TTBK2: variants seen among roughly 807,000 people sequenced by gnomAD.
TTBK2 encodes the protein tau tubulin kinase 2, also known as tau-tubulin kinase 2.
In TTBK2, 28 loss-of-function variants were observed where a neutral mutation model predicts 110.8. The observed-to-expected ratio is 0.25, with a 90% CI of 0.19 to 0.35. The LOEUF (loss-of-function observed/expected upper bound fraction) is 0.35, where lower values mean the gene tolerates loss of function less well. Among genes scored for constraint, TTBK2 ranks in the 10% least tolerant of loss-of-function variants. TTBK2 has a pLI of 1.00. For missense variants in TTBK2, 1,369 were observed against 1,500.3 expected (o/e 0.91, Z 1.45); for synonymous variants, 532 against 527.3 (o/e 1.01, Z -0.12).
In TTBK2 at chr15:42,878,685, C is replaced by T; in HGVS notation, c.-67-1G>A. On this transcript the variant is annotated splice_acceptor_variant, in intron 1 of 14. Coordinates refer to ENST00000267890, the MANE Select transcript of TTBK2 (RefSeq NM_173500.4). LOFTEE classifies it low-confidence loss of function (5UTR_SPLICE). ...TTCCCAAGGGTGGTTTCCATTTAAC[C>T]TAAAACAACAACAACAAAAAATAGT... 6.2e-7 allele frequency: 1 copy of T among 1,611,984 alleles called. No homozygotes were observed. Among genetic ancestry groups the T allele is most frequent in the Non-Finnish European group, 8.5e-7 (1 of 1,179,278 alleles).
intron 13 of TTBK2, among the ~76,000 whole-genome samples, chr15:42,772,584 A>C (rs1889725010): frequency 6.6e-6 from 1 of 152,168 alleles, no homozygotes; most frequent in Non-Finnish European, 1.5e-5. Context: ...TAGCAATGGC[A>C]ATGGATAACA....
intron 4 of TTBK2, among the ~76,000 whole-genome samples, chr15:42,834,859 A>G (rs1892925993): frequency 6.6e-6 from 1 of 152,220 alleles, no homozygotes. Context: ...ACTGGGCAAC[A>G]GAGTGAGATT....
Position 42,776,911 on chromosome 15 carries a change from G to A in TTBK2, c.1409+120C>T, listed in dbSNP as rs1475222308. 4 of 1,050,534 alleles carry A rather than the reference G, an allele frequency of 3.8e-6. No individual in the cohort carries two copies. The African/African-American group carries it at 6.4e-5, about 17-fold the overall frequency. 65.1% of individuals were successfully genotyped at this position (1,050,534 alleles called of 1,614,324 possible). A position where few individuals can be genotyped will look rare whatever the true frequency, so the allele number is the denominator to read the frequency against. ...TGAATAGACTCAGTGTTACAAAAAT[G>A]CAAGGATTTCTTATTTGAAAGACTT... On this transcript the variant is annotated intron_variant, in intron 12 of 14. Transcript: ENST00000267890.
At chr15:42,767,862 A>C (rs901680697) in intron 13 of TTBK2, among the ~76,000 whole-genome samples, 1 of 152,262 alleles carries the variant, frequency 6.6e-6, no homozygotes, top group Non-Finnish European at 1.5e-5. Context: ...ACAAATCCTC[A>C]ATAAAATACC....
At chr15:42,899,315 A>C (rs1424796264) in intron 1 of TTBK2, among the ~76,000 whole-genome samples, 6 of 151,968 alleles carry the variant, frequency 3.9e-5, no homozygotes, top group Non-Finnish European at 2.9e-5. Flanking sequence ...AAAACATTTA[A>C]ACATAAAAAG....
chr15:42,798,648 CAGG>C (rs1891047869), intron 9 of TTBK2, among the ~76,000 whole-genome samples: 1 of 152,120 alleles, frequency 6.6e-6, no homozygotes, highest in African/African-American at 2.4e-5. Context: ...TAAGATAAAT[CAGG>C]AGAATACAAA....
chr15:42,895,639 G>A (rs1226203647), intron 1 of TTBK2, among the ~76,000 whole-genome samples: 5 of 151,092 alleles, frequency 3.3e-5, no homozygotes, highest in South Asian at 2.1e-4. Flanking sequence ...CCGGGTTCAC[G>A]CCATTCTCCT....
chr15:42,781,068 AAC>A (rs1890159599), intron 11 of TTBK2, among the ~76,000 whole-genome samples: 2 of 152,320 alleles, frequency 1.3e-5, no homozygotes, highest in South Asian at 4.1e-4. Context: ...TCCACTTAAC[AAC>A]AGTCACAACA....
chr15:42,828,346 C>G (rs1186811528), intron 5 of TTBK2, among the ~76,000 whole-genome samples: 1 of 150,064 alleles, frequency 6.7e-6, no homozygotes, highest in Non-Finnish European at 1.5e-5. Flanking sequence ...AATGACAGCC[C>G]AATCCCTACT....
intron 6 of TTBK2, 145 bp downstream of exon 6, chr15:42,827,783 T>C (rs1892593168): frequency 4.2e-6 from 3 of 708,774 alleles, no homozygotes; most frequent in Admixed American, 2.9e-5. Context: ...AAATTTATTG[T>C]CATTCTATAA....
intron 13 of TTBK2, among the ~76,000 whole-genome samples, chr15:42,759,502 A>G (rs2140645677): frequency 6.6e-6 from 1 of 152,274 alleles, no homozygotes; most frequent in Admixed American, 6.5e-5. Context: ...CTGTGGCCCC[A>G]ACCCCAGTGA....
chr15:42,906,979 G>A (rs949820097), intron 1 of TTBK2, among the ~76,000 whole-genome samples: 2 of 151,376 alleles, frequency 1.3e-5, no homozygotes, highest in African/African-American at 4.9e-5. Context: ...GAGCCCAGGA[G>A]TTTGAGGCCA....
At chr15:42,860,793 G>A (rs1403558261) in intron 3 of TTBK2, among the ~76,000 whole-genome samples, 1 of 151,590 alleles carries the variant, frequency 6.6e-6, no homozygotes, top group Admixed American at 6.6e-5. Context: ...AGCCTCCCAA[G>A]TGCACCACCA....
chr15:42,916,987 T>C (rs963493683), intron 1 of TTBK2, among the ~76,000 whole-genome samples: 2 of 152,278 alleles, frequency 1.3e-5, no homozygotes, highest in East Asian at 3.9e-4. Context: ...TAATTCTCTG[T>C]TTAAAAAAAT....
intron 3 of TTBK2, among the ~76,000 whole-genome samples, chr15:42,864,913 T>C (rs950100788): frequency 1.3e-5 from 2 of 151,688 alleles, no homozygotes; most frequent in Non-Finnish European, 2.9e-5. Context: ...CTTATGTATA[T>C]ATTTTGTGCA....
intron 3 of TTBK2, among the ~76,000 whole-genome samples, chr15:42,867,957 G>A (rs1002852514): frequency 2.6e-5 from 4 of 152,156 alleles, no homozygotes; most frequent in Non-Finnish European, 5.9e-5. Context: ...ATTATTAAAT[G>A]TTAAAAAGAA....
chr15:42,856,077 G>T (rs769955916), intron 3 of TTBK2, among the ~76,000 whole-genome samples: 8 of 152,090 alleles, frequency 5.3e-5, no homozygotes, highest in Non-Finnish European at 1.2e-4. Flanking sequence ...TATTTCAAGG[G>T]AAACAAATGA....
chr15:42,805,008 A>G (rs1442104165), intron 9 of TTBK2, among the ~76,000 whole-genome samples: 1 of 152,196 alleles, frequency 6.6e-6, no homozygotes, highest in Non-Finnish European at 1.5e-5. Context: ...CCTCCTGAAC[A>G]CACAGCTGAA....
chr15:42,878,678 AT>A lies in TTBK2; in HGVS notation c.-62del. 1 of 1,612,854 alleles carries A rather than the reference AT, an allele frequency of 6.2e-7. No homozygotes were observed. The highest frequency in any genetic ancestry group is 8.5e-7 in the Non-Finnish European group (1 of 1,179,554). On this transcript the variant is annotated 5_prime_UTR_variant, in exon 2 of 15. In the 5' UTR this introduces an upstream ATG that the reference lacks. Coordinates refer to ENST00000267890, the MANE Select transcript of TTBK2 (RefSeq NM_173500.4). ...CATCCAGTTCCCAAGGGTGGTTTCC[AT>A]TTAACCTAAAACAACAACAACAAAA...
Sources: allele counts gnomAD v4.1 joint callset (sites outside exome capture counted in the v4.1 genomes callset), GRCh38; gene constraint gnomAD v4.1.1; transcripts MANE v1.5; gene names NCBI Gene and HGNC (gene_info 2026-07-23, HGNC 2026-07-21).